ANO2: variants seen among roughly 807,000 people sequenced by gnomAD.
ANO2 encodes the protein anoctamin 2.
Under a neutral mutation model 124.2 loss-of-function variants are expected in ANO2, and 101 were observed. The ratio of observed to expected loss-of-function variants is 0.81; its 90% CI spans 0.69 to 0.96. The LOEUF (loss-of-function observed/expected upper bound fraction) is 0.96, where lower values mean the gene tolerates loss of function less well. Ranked by LOEUF, ANO2 falls within the 40% of genes least tolerant of loss-of-function variation. The pLI, the probability that ANO2 is intolerant of heterozygous loss-of-function variation, is 0.00. For synonymous variants in ANO2, 486 were observed against 482.5 expected, an observed-to-expected ratio of 1.01 and a Z score of -0.09; for missense variants, 1,293 against 1,274.5, an observed-to-expected ratio of 1.01 and a Z score of -0.22.
chr12:5,923,500 C>T (rs375403666), intron 1 of ANO2, among the ~76,000 whole-genome samples: 4 of 152,164 alleles, frequency 2.6e-5, no homozygotes, highest in African/African-American at 9.7e-5. Flanking sequence ...CCACCTCCCT[C>T]GGGGAGAGAG....
intron 4 of ANO2, among the ~76,000 whole-genome samples, chr12:5,844,909 T>G (rs1954634154): frequency 6.6e-6 from 1 of 152,006 alleles, no homozygotes; most frequent in Non-Finnish European, 1.5e-5. Context: ...ACTGTCCTGG[T>G]AAATTGTAAT....
intron 9 of ANO2, 55 bp downstream of exon 9, chr12:5,805,997 C>T: frequency 1.3e-6 from 2 of 1,571,862 alleles, no homozygotes; most frequent in Non-Finnish European, 1.7e-6. Context: ...CACTTCCACA[C>T]CCACCCGTAG....
chr12:5,945,155 A>T, intron 1 of ANO2, 41 bp downstream of exon 1: 1 of 1,278,994 alleles, frequency 7.8e-7, no homozygotes, highest in Non-Finnish European at 1.0e-6. Flanking sequence ...CCCTCCTACC[A>T]CCTGTAGGAG....
At chr12:5,816,219 C>T (rs1045504686) in intron 7 of ANO2, among the ~76,000 whole-genome samples, 2 of 151,390 alleles carry the variant, frequency 1.3e-5, no homozygotes, top group Non-Finnish European at 2.9e-5. Flanking sequence ...TCATGCTTCT[C>T]TTCCACCCCT....
At chr12:5,681,842 A>G (rs978560031) in intron 14 of ANO2, among the ~76,000 whole-genome samples, 2 of 152,180 alleles carry the variant, frequency 1.3e-5, no homozygotes, top group Non-Finnish European at 2.9e-5. Context: ...CCACAAATCT[A>G]TATTTCCCTT....
intron 4 of ANO2, among the ~76,000 whole-genome samples, chr12:5,853,225 C>T (rs1368243951): frequency 6.9e-6 from 1 of 145,138 alleles, no homozygotes; most frequent in Non-Finnish European, 1.5e-5. Context: ...TGGTCTCAAA[C>T]TTCTGACTTC....
At chr12:5,893,647 C>G (rs779749099) in intron 3 of ANO2, among the ~76,000 whole-genome samples, 5 of 151,948 alleles carry the variant, frequency 3.3e-5, no homozygotes, top group African/African-American at 7.3e-5. Flanking sequence ...CCTAGCCCCC[C>G]ACCCCACAAC....
intron 14 of ANO2, among the ~76,000 whole-genome samples, chr12:5,687,385 G>A (rs1565568230): frequency 6.6e-6 from 1 of 152,236 alleles, no homozygotes; most frequent in Non-Finnish European, 1.5e-5. Context: ...AAGTGAAAGT[G>A]AGTGCAACTC....
intron 9 of ANO2, among the ~76,000 whole-genome samples, chr12:5,801,948 A>G (rs1953054132): frequency 6.6e-6 from 1 of 152,186 alleles, no homozygotes; most frequent in South Asian, 2.1e-4. Context: ...TTTGTTGCCC[A>G]AAGGGAGATA....
At chr12:5,882,525 G>A (rs116564075) in intron 3 of ANO2, among the ~76,000 whole-genome samples, 292 of 152,324 alleles carry the variant, frequency 1.9e-3, no homozygotes, top group African/African-American at 6.7e-3. Flanking sequence ...TCAGGTCCTG[G>A]CCTGCTGGCT....
chr12:5,695,556 G>C (rs1464417560), intron 14 of ANO2, among the ~76,000 whole-genome samples: 3 of 152,164 alleles, frequency 2.0e-5, no homozygotes, highest in African/African-American at 4.8e-5. Flanking sequence ...ATAACTCACA[G>C]AGGGCTGGGC....
intron 10 of ANO2, among the ~76,000 whole-genome samples, chr12:5,762,251 T>C (rs1377179523): frequency 6.6e-6 from 1 of 152,014 alleles, no homozygotes; most frequent in Non-Finnish European, 1.5e-5. Context: ...GGTTTAACTT[T>C]ACCTACTTTT....
chr12:5,924,383 C>A (rs151152880), intron 1 of ANO2, among the ~76,000 whole-genome samples: 3 of 152,216 alleles, frequency 2.0e-5, no homozygotes, highest in Non-Finnish European at 4.4e-5. Flanking sequence ...CTAGTCCACA[C>A]TGTGGGAGAC....
intron 19 of ANO2, among the ~76,000 whole-genome samples, chr12:5,610,591 A>T (rs1158578644): frequency 2.8e-5 from 4 of 142,762 alleles, no homozygotes; most frequent in African/African-American, 1.0e-4. Context: ...ATTTATATTT[A>T]TAAATATATT....
At chr12:5,920,824 A>T (rs1240752131) in intron 3 of ANO2, among the ~76,000 whole-genome samples, 1 of 152,108 alleles carries the variant, frequency 6.6e-6, no homozygotes, top group East Asian at 1.9e-4. Context: ...CCAAGATCAC[A>T]CCACTGCACT....
intron 14 of ANO2, among the ~76,000 whole-genome samples, chr12:5,670,428 AACTGGGAGCTGACAATT>A (rs1164166449): frequency 2.6e-5 from 4 of 152,196 alleles, no homozygotes; most frequent in Admixed American, 1.3e-4. Context: ...GATGACACAA[AACTGGGAGCTGACAATT>A]ACTGAAGTTG....
intron 14 of ANO2, among the ~76,000 whole-genome samples, chr12:5,655,067 C>T (rs1322480262): frequency 6.6e-6 from 1 of 152,104 alleles, no homozygotes; most frequent in Non-Finnish European, 1.5e-5. Context: ...CCAAATTGCC[C>T]CTCTCTCTAC....
chr12:5,689,505 A>G (rs538572328), intron 14 of ANO2, among the ~76,000 whole-genome samples: 19 of 152,086 alleles, frequency 1.2e-4, no homozygotes, highest in Non-Finnish European at 2.6e-4. Context: ...CCTAGATGTG[A>G]CATCCAGGAC....
At chr12:5,709,155 C>A (rs1949719496) in intron 14 of ANO2, among the ~76,000 whole-genome samples, 1 of 152,212 alleles carries the variant, frequency 6.6e-6, no homozygotes, top group African/African-American at 2.4e-5. Context: ...ATGTACTACA[C>A]CGAGTACACG....
Sources: gnomAD v4.1 joint callset for allele counts (sites outside exome capture counted in the v4.1 genomes callset) on GRCh38, gnomAD v4.1.1 for gene constraint, MANE v1.5 for transcripts, NCBI Gene and HGNC (gene_info 2026-07-23, HGNC 2026-07-21) for gene names.